Variants in PLEC observed in about 807,000 individuals in gnomAD.
PLEC encodes plectin.
PLEC carries 216 observed loss-of-function variants against 392.8 expected under a neutral mutation model. The ratio of observed to expected loss-of-function variants is 0.55; its 90% CI spans 0.49 to 0.62. The LOEUF is 0.62. PLEC is among the 20% of genes least tolerant of loss of function. The pLI is 0.00. For missense variants in PLEC, 6,863 were observed against 6,563.4 expected (o/e 1.05, Z -1.58); for synonymous variants, 3,621 against 2,980.6 (o/e 1.21, Z -7.00).
At position 143,917,278 on chromosome 8, in the gene PLEC, G is replaced by A; in HGVS notation, c.12543C>T (p.Ile4181=). ...LSEQECEWEE[I]TISSSDGVVK... ...CCACGCCGTCCGAGGAGGAGATGGT[G>A]ATCTCCTCCCACTCGCACTCCTGCT... The change falls in exon 32 of 32, where the codon ATC becomes ATT. Residue 4181 remains isoleucine (I), a synonymous_variant. Coordinates refer to ENST00000345136, the MANE Select transcript of PLEC (RefSeq NM_201384.3). The A allele has an allele frequency of 6.2e-7, 1 of 1,610,064 alleles. No homozygotes were observed. The highest frequency in any genetic ancestry group is 1.3e-5 in the African/African-American group (1 of 75,002).
In PLEC at chr8:143,933,315, G is replaced by T; in HGVS notation, c.1300C>A (p.Arg434=). The change falls in exon 13 of 32, where the codon CGG becomes AGG. Residue 434 remains arginine, a synonymous_variant. Transcript: ENST00000345136. ...AAGTCCCGTTCCACCTCCCCCGCCC[G>T]CTGTGGCACTTTGCCTGCAGCCAGC... is the stretch of plus-strand genomic sequence containing the variant. ...RLLAAGKVPQ[R]AGEVERDLDK... 6.2e-7 allele frequency: 1 copy of T among 1,612,590 alleles called. No individual in the cohort carries two copies. The highest frequency in any genetic ancestry group is 1.1e-5 in the South Asian group (1 of 91,086).
intron 11 of PLEC, 38 bp from the exon 12 acceptor site, chr8:143,934,129 G>A (rs1312971335): frequency 6.2e-7 from 1 of 1,602,718 alleles, no homozygotes; most frequent in Non-Finnish European, 8.5e-7. Flanking sequence ...GCGTTGGCCG[G>A]GTCCGGCACA....
chr8:143,923,103 C>T lies in PLEC; in HGVS notation c.6826G>A (p.Val2276Met), dbSNP rs782516270. Reference protein sequence around the residue: ...LQEEAEKMKQVAEEAARLSVA... With the variant: ...LQEEAEKMKQMAEEAARLSVA... ...CTCAGCCGCGCGGCCTCCTCCGCCA[C>T]CTGCTTCATCTTCTCAGCCTCCTCC... Residue 2276 changes from valine (V) to methionine (M), a missense_variant, in exon 31 of 32, where the codon GTG becomes ATG. Transcript: ENST00000345136. 1 of 1,606,096 alleles carries T rather than the reference C, an allele frequency of 6.2e-7. No individual in the cohort carries two copies. Among genetic ancestry groups the T allele is most frequent in the Non-Finnish European group, 8.5e-7 (1 of 1,179,878 alleles).
In PLEC at chr8:143,925,725, C is replaced by T. The variant is rs1554703829; in HGVS notation, c.4204G>A (p.Val1402Met). ...TCCACCGCCGCCTCCTCCCGCCGCA[C>T]CACCTCCTCCTGCATGCGCTGCTGC... ...ELQQRMQEEV[V>M]RREEAAVDAQ... The change falls in exon 31 of 32, where the codon GTG (valine) becomes ATG (methionine). Residue 1402 changes from valine to methionine, a missense_variant. Transcript: ENST00000345136. The T allele has an allele frequency of 1.9e-6, 3 of 1,595,828 alleles. No homozygotes were observed. In the South Asian group the frequency reaches 3.3e-5, roughly 18 times the overall value.
At chr8:143,928,840 C>T (rs1277936124) in intron 25 of PLEC, among the ~76,000 whole-genome samples, 10 of 152,192 alleles carry the variant, frequency 6.6e-5, no homozygotes, top group Non-Finnish European at 1.3e-4. Flanking sequence ...ACTCAGCAGC[C>T]GCTGCCCAGC....
chr8:143,975,576 C>T (rs1833633112), upstream of PLEC, among the ~76,000 whole-genome samples: 2 of 151,792 alleles, frequency 1.3e-5, no homozygotes, highest in East Asian at 1.9e-4. The surrounding 1 kb of genome is among the most constrained non-coding windows in gnomAD (Gnocchi z 9.9). Context: ...ACTGACTTAC[C>T]CTCTCTCCAT....
At chr8:143,947,112 G>C (rs903319000) in intron 1 of PLEC, among the ~76,000 whole-genome samples, 2 of 152,226 alleles carry the variant, frequency 1.3e-5, no homozygotes, top group African/African-American at 4.8e-5. Flanking sequence ...GTGGAAAGCT[G>C]GCCGGGCCAT....
rs532681952 is a variant in PLEC, at chr8:143,925,346, G to A, written c.4583C>T (p.Ala1528Val). 1.1e-5 allele frequency: 17 copies of A among 1,549,708 alleles called. No individual in the cohort carries two copies. Among genetic ancestry groups the A allele is most frequent in the South Asian group, 5.8e-5 (5 of 85,886 alleles). ...CTGCAGGGCCCGCTGCTTCTCGCGC[G>A]CCGCCTCGGCCTCGGCCTTCACGCG... Reference protein sequence around the residue: ...ASRVKAEAEAAREKQRALQAL... With the variant: ...ASRVKAEAEAVREKQRALQAL... Residue 1528 changes from alanine (A) to valine (V), a missense_variant, in exon 31 of 32, where the codon GCG (alanine) becomes GTG (valine). By Grantham distance (64) the Ala-to-Val change is moderately conservative. Coordinates refer to ENST00000345136, the MANE Select transcript of PLEC (RefSeq NM_201384.3).
In PLEC at chr8:143,919,674, T is replaced by G. The variant is rs782748295; in HGVS notation, c.10147A>C (p.Thr3383Pro). 7 of 1,598,962 alleles carry G rather than the reference T, an allele frequency of 4.4e-6. No homozygotes were observed. In the Admixed American group the frequency reaches 8.4e-5, roughly 19 times the overall value. Residue 3383 changes from threonine (T) to proline (P), a missense_variant, in exon 32 of 32, where the codon ACA becomes CCA. Coordinates refer to ENST00000345136, the MANE Select transcript of PLEC (RefSeq NM_201384.3). ...EAMRRGLLRA[T>P]TAALLLEAQA... ...GCCTCCAGCAGGAGCGCAGCCGTTGTGGCTCTCAGCAGGCCCCGGCGCATG... is the reference window on the plus strand; with the variant it reads ...GCCTCCAGCAGGAGCGCAGCCGTTGGGGCTCTCAGCAGGCCCCGGCGCATG...
chr8:143,966,372 C>T (rs1833091504), intron 1 of PLEC, among the ~76,000 whole-genome samples: 1 of 152,226 alleles, frequency 6.6e-6, no homozygotes, highest in South Asian at 2.1e-4. Flanking sequence ...ATTTCCTGCA[C>T]CTCAGTGTCT....
rs376374602 is a variant in PLEC at position 143,925,522 on chromosome 8, G to A, written c.4407C>T (p.Gly1469=). Residue 1469 remains glycine (G), a synonymous_variant, in exon 31 of 32, where the codon GGC becomes GGT. Coordinates refer to ENST00000345136, the MANE Select transcript of PLEC (RefSeq NM_201384.3). ...LQLEATERQR[G]GAEGELQALR... ...GTGCCTGCAGCTCCCCCTCAGCCCC[G>A]CCACGCTGGCGCTCGGTGGCCTCCA... 6.0e-5 allele frequency: 95 copies of A among 1,594,960 alleles called. No individual in the cohort carries two copies. Among genetic ancestry groups the A allele is most frequent in the African/African-American group, 5.3e-4 (40 of 74,810 alleles).
Position 143,924,897 on chromosome 8 carries a change from TGCCGCGCC to T in PLEC, c.5024_5031del (p.Arg1675GlnfsTer14), listed in dbSNP as rs786205254. ...TGCCGGACGGCCTGCTCCTCCGCCT[TGCCGCGCC>T]GCCGCGCCTCGCGCTCCGCCTCCTC... On this transcript the variant is annotated frameshift_variant, in exon 31 of 32. Transcript: ENST00000345136. LOFTEE classifies it high-confidence loss of function. The T allele has an allele frequency of 1.3e-6, 2 of 1,589,004 alleles. No individual in the cohort carries two copies. The highest frequency in any genetic ancestry group is 1.7e-6 in the Non-Finnish European group (2 of 1,175,302).
upstream of PLEC, chr8:143,953,940 C>A: frequency 7.2e-7 from 1 of 1,394,328 alleles, no homozygotes; most frequent in South Asian, 1.6e-5. Flanking sequence ...AGGGCCGCCC[C>A]GGGCGCATGC....
rs1554694300 is a variant in PLEC at position 143,923,808 on chromosome 8, C to G, written c.6121G>C (p.Glu2041Gln). The G allele has an allele frequency of 6.3e-7, 1 of 1,581,292 alleles. No individual in the cohort carries two copies. Among genetic ancestry groups the G allele is most frequent in the Non-Finnish European group, 8.5e-7 (1 of 1,171,840 alleles). ...ESARQLQLAQ[E>Q]AAQKRLQAEE... ...GCCTGCAGCCGCTTCTGGGCGGCCT[C>G]CTGGGCCAGCTGCAGCTGCCGCGCC... The change falls in exon 31 of 32, where the codon GAG (glutamate) becomes CAG (glutamine). Residue 2041 changes from glutamate (E) to glutamine (Q), a missense_variant. Glu to Gln is a conservative substitution (Grantham distance 29). Transcript: ENST00000345136.
chr8:143,915,964 G>T lies in PLEC; in HGVS notation c.*213C>A. 1 of 443,612 alleles carries T rather than the reference G, an allele frequency of 2.3e-6. No individual in the cohort carries two copies. The highest frequency in any genetic ancestry group is 4.0e-6 in the Non-Finnish European group (1 of 252,402). The allele number at this position is 443,612 out of a possible 1,614,324, so 27.5% of individuals were successfully genotyped here. A position where few individuals can be genotyped will look rare whatever the true frequency, so the allele number is the denominator to read the frequency against. On this transcript the variant is annotated 3_prime_UTR_variant, in exon 32 of 32. Transcript: ENST00000345136. ...GTAGAAGGGAGTGAGGAGACCCGAGGGGGTGAGGCGGCCAGCAGGGCTGGG... is the reference window on the plus strand; with the variant it reads ...GTAGAAGGGAGTGAGGAGACCCGAGTGGGTGAGGCGGCCAGCAGGGCTGGG...
rs782699072 is a variant in PLEC at position 143,934,399 on chromosome 8, G to A, written c.1088C>T (p.Pro363Leu). The change falls in exon 11 of 32, where the codon CCG becomes CTG. Residue 363 changes from proline (P) to leucine (L), a missense_variant. By Grantham distance (98) the Pro-to-Leu change is moderately conservative (BLOSUM62 -3). Transcript: ENST00000345136. Reference sequence around the variant, plus strand: ...GCCCCACTCCTTCTCCACATCCAGCGGGTGGTAGCCAGGGGGCACCTTGAG... The same window carrying A: ...GCCCCACTCCTTCTCCACATCCAGCAGGTGGTAGCCAGGGGGCACCTTGAG... ...GQLKVPPGYH[P>L]LDVEKEWGKL... is the part of the protein sequence containing the mutation. The A allele has an allele frequency of 6.2e-6, 10 of 1,612,242 alleles. No individual in the cohort carries two copies. The highest frequency in any genetic ancestry group is 4.4e-5 in the South Asian group (4 of 91,086).
intron 3 of PLEC, 55 bp from the exon 4 acceptor site, chr8:143,937,297 C>G (rs1033720339): frequency 4.5e-6 from 6 of 1,340,920 alleles, no homozygotes; most frequent in Non-Finnish European, 6.4e-6. Context: ...CGGGCCCCAC[C>G]CTCAGCATGC....
chr8:143,972,973 G>A (rs1271078519), intron 1 of PLEC, among the ~76,000 whole-genome samples: 1 of 152,222 alleles, frequency 6.6e-6, no homozygotes, highest in Non-Finnish European at 1.5e-5. Flanking sequence ...CCAGTTTAGG[G>A]AGGTGAGGAG....
exon 1 of PLEC, chr8:143,950,238 C>T (rs1554734961): frequency 5.8e-6 from 9 of 1,560,794 alleles, no homozygotes; most frequent in Non-Finnish European, 7.8e-6. Context: ...TGGGTGGTAG[C>T]AGGCACCACA....
Sources: allele counts gnomAD v4.1 joint callset (sites outside exome capture counted in the v4.1 genomes callset), GRCh38; gene constraint gnomAD v4.1.1; non-coding constraint Gnocchi (gnomAD v3.1); transcripts MANE v1.5; gene names NCBI Gene and HGNC (gene_info 2026-07-23, HGNC 2026-07-21).